Variants in COL25A1 observed in about 807,000 individuals in gnomAD.
COL25A1 encodes collagen type XXV alpha 1 chain.
COL25A1 carries 103 observed loss-of-function variants against 128.4 expected under a neutral mutation model. That is an observed-to-expected ratio of 0.80 (90% CI 0.68 to 0.94). The LOEUF (loss-of-function observed/expected upper bound fraction) is 0.94, where lower values mean the gene tolerates loss of function less well. Ranked by LOEUF, COL25A1 falls within the 40% of genes least tolerant of loss-of-function variation. The probability of loss-of-function intolerance (pLI) is 0.00; values close to 1 mark genes in which losing one functional copy is unlikely to be tolerated. For missense variants in COL25A1, 745 were observed against 840.0 expected (o/e 0.89, Z 1.40); for synonymous variants, 279 against 277.2 (o/e 1.01, Z -0.06).
chr4:109,061,100 C>T (rs1452588712), intron 3 of COL25A1, among the ~76,000 whole-genome samples: 1 of 152,198 alleles, frequency 6.6e-6, no homozygotes, highest in Admixed American at 6.5e-5. Context: ...TCCTATCTAA[C>T]AAATCCAACC....
chr4:109,200,640 T>G (rs1488883364), intron 3 of COL25A1, among the ~76,000 whole-genome samples: 1 of 152,114 alleles, frequency 6.6e-6, no homozygotes, highest in Non-Finnish European at 1.5e-5. Flanking sequence ...TTAGTAGAGA[T>G]GCGGTTTCGC....
chr4:108,996,172 G>A (rs916587510), intron 6 of COL25A1, among the ~76,000 whole-genome samples: 1 of 151,644 alleles, frequency 6.6e-6, no homozygotes, highest in Non-Finnish European at 1.5e-5. Flanking sequence ...ACACAGACTG[G>A]CAAATTGGAT....
chr4:109,288,065 C>T (rs1002899255), intron 3 of COL25A1, among the ~76,000 whole-genome samples: 1 of 152,072 alleles, frequency 6.6e-6, no homozygotes, highest in Admixed American at 6.5e-5. Context: ...GCCAGGAGGG[C>T]CAAAATAGCA....
chr4:109,216,565 C>T (rs1423338773), intron 3 of COL25A1, among the ~76,000 whole-genome samples: 1 of 152,194 alleles, frequency 6.6e-6, no homozygotes, highest in Admixed American at 6.5e-5. Flanking sequence ...GACTCAGACA[C>T]ACACAAAAGG....
chr4:109,193,744 C>T (rs1325861618), intron 3 of COL25A1, among the ~76,000 whole-genome samples: 2 of 152,082 alleles, frequency 1.3e-5, no homozygotes, highest in Non-Finnish European at 2.9e-5. Flanking sequence ...TCCTGAGTAA[C>T]ACAGATGAGC....
At chr4:109,184,356 T>C (rs1264755282) in intron 3 of COL25A1, among the ~76,000 whole-genome samples, 5 of 152,156 alleles carry the variant, frequency 3.3e-5, no homozygotes, top group Non-Finnish European at 5.9e-5. Flanking sequence ...CTTGGAAACA[T>C]TCTTTCTAAC....
rs536651440 is a variant in COL25A1, at chr4:108,977,201, C to G, written c.439-2642G>C. ...GTCACAGACACTAGTCCCAGCGTCT[C>G]AAGTTCAAAATGAGAGAAAGGGGAA... On this transcript the variant is annotated intron_variant, in intron 6 of 37. Coordinates refer to ENST00000399132, the MANE Select transcript of COL25A1 (RefSeq NM_198721.4). 8.0e-4 allele frequency among the ~76,000 whole-genome samples: 121 copies of G among 152,124 alleles called. 1 individual carries two copies. The highest frequency in any genetic ancestry group is 2.7e-3 in the African/African-American group (114 of 41,472).
chr4:108,889,175 T>C, intron 18 of COL25A1, 46 bp downstream of exon 18: 1 of 1,511,748 alleles, frequency 6.6e-7, no homozygotes, highest in Non-Finnish European at 9.2e-7. Flanking sequence ...AGATATAAAA[T>C]GGTGAATATG....
intron 5 of COL25A1, among the ~76,000 whole-genome samples, chr4:109,042,622 A>G (rs941793276): frequency 4.6e-4 from 70 of 152,138 alleles, no homozygotes; most frequent in African/African-American, 1.5e-3. Flanking sequence ...CTATTATAGA[A>G]AAAATACAGT....
At chr4:109,197,688 C>T (rs1259755571) in intron 3 of COL25A1, among the ~76,000 whole-genome samples, 1 of 150,834 alleles carries the variant, frequency 6.6e-6, no homozygotes, top group African/African-American at 2.4e-5. Context: ...CCCTATTTCA[C>T]TTAACATACC....
At chr4:109,068,042 T>G (rs1762605546) in intron 3 of COL25A1, among the ~76,000 whole-genome samples, 1 of 152,166 alleles carries the variant, frequency 6.6e-6, no homozygotes, top group Non-Finnish European at 1.5e-5. Flanking sequence ...AGAAGTCTAC[T>G]GGGGTGCGTG....
chr4:109,177,531 G>A (rs1307091537), intron 3 of COL25A1, among the ~76,000 whole-genome samples: 1 of 152,100 alleles, frequency 6.6e-6, no homozygotes, highest in Non-Finnish European at 1.5e-5. Flanking sequence ...TCATTTTGAT[G>A]CTGAACTTTT....
At chr4:108,840,230 G>A (rs758719162) in intron 31 of COL25A1, among the ~76,000 whole-genome samples, 86 of 103,926 alleles carry the variant, frequency 8.3e-4, no homozygotes, top group South Asian at 1.5e-3. Context: ...AAACAAGAGC[G>A]AAACGCCATC....
chr4:108,976,851 A>G (rs1752487683), intron 6 of COL25A1, among the ~76,000 whole-genome samples: 1 of 152,164 alleles, frequency 6.6e-6, no homozygotes, highest in Non-Finnish European at 1.5e-5. Flanking sequence ...TAACTACATC[A>G]TGTCCTATAC....
At chr4:108,851,706 T>C (rs988646217) in intron 26 of COL25A1, among the ~76,000 whole-genome samples, 1 of 152,316 alleles carries the variant, frequency 6.6e-6, no homozygotes, top group Non-Finnish European at 1.5e-5. Flanking sequence ...TTTTAGTTGG[T>C]ATGTTTCATT....
At chr4:109,075,656 A>G (rs1763312178) in intron 3 of COL25A1, among the ~76,000 whole-genome samples, 1 of 152,168 alleles carries the variant, frequency 6.6e-6, no homozygotes, top group Non-Finnish European at 1.5e-5. Flanking sequence ...CCCCAAAGGA[A>G]AAAAGTTAAC....
At chr4:109,195,119 A>G (rs1020454639) in intron 3 of COL25A1, among the ~76,000 whole-genome samples, 2 of 152,142 alleles carry the variant, frequency 1.3e-5, no homozygotes, top group African/African-American at 4.8e-5. Context: ...ATTTTTAAAA[A>G]TTAATATTAA....
chr4:108,845,995 T>C, intron 28 of COL25A1, 144 bp downstream of exon 28: 1 of 579,704 alleles, frequency 1.7e-6, no homozygotes, highest in Non-Finnish European at 3.0e-6. Context: ...TAACCAATAA[T>C]ACCTCAAATA....
chr4:109,157,288 A>G (rs1772123935), intron 3 of COL25A1, among the ~76,000 whole-genome samples: 1 of 152,230 alleles, frequency 6.6e-6, no homozygotes, highest in African/African-American at 2.4e-5. Context: ...AGATTGTCTC[A>G]TTGAAAAATT....
Sources: allele counts gnomAD v4.1 joint callset (sites outside exome capture counted in the v4.1 genomes callset), GRCh38; gene constraint gnomAD v4.1.1; transcripts MANE v1.5; gene names NCBI Gene and HGNC (gene_info 2026-07-23, HGNC 2026-07-21).